TXNRD1: variants seen among roughly 807,000 people sequenced by gnomAD.
TXNRD1 encodes thioredoxin reductase 1.
In TXNRD1, 57 loss-of-function variants were observed where a neutral mutation model predicts 80.3. That is an observed-to-expected ratio of 0.71 (90% confidence interval 0.57 to 0.89). The LOEUF (loss-of-function observed/expected upper bound fraction) is 0.89. TXNRD1 is among the 40% of genes least tolerant of loss of function. The pLI is 0.00. For missense variants in TXNRD1, 730 were observed against 803.0 expected, an observed-to-expected ratio of 0.91 and a Z score of 1.10; for synonymous variants, 291 against 285.2, an observed-to-expected ratio of 1.02 and a Z score of -0.20.
chr12:104,323,512 C>T (rs1199018107), intron 10 of TXNRD1, among the ~76,000 whole-genome samples: 4 of 145,832 alleles, frequency 2.7e-5, no homozygotes, highest in African/African-American at 5.2e-5. Context: ...CCGGACGGGG[C>T]GGCTGGCCGG....
intron 3 of TXNRD1, chr12:104,287,198 A>G: frequency 6.3e-7 from 1 of 1,593,370 alleles, no homozygotes; most frequent in Non-Finnish European, 8.6e-7. Context: ...GGACGACAGC[A>G]TTGCGCCTGG....
At chr12:104,278,517 T>G (rs1377025105) in intron 3 of TXNRD1, among the ~76,000 whole-genome samples, 1 of 141,300 alleles carries the variant, frequency 7.1e-6, no homozygotes, top group Non-Finnish European at 1.5e-5. Context: ...TTTTTTTTTT[T>G]TTGAGATGGA....
In TXNRD1 at chr12:104,274,628, G is replaced by A. The variant is rs571190794; in HGVS notation, c.305-14303G>A. On this transcript the variant is annotated intron_variant, in intron 3 of 16. Transcript: ENST00000525566. ...GCAGGAGAATTGCTTGAACCCGGGA[G>A]GCAGAGGTTGCAGTGAGCCAAGATC... is the stretch of plus-strand genomic sequence containing the variant. Among the ~76,000 whole-genome samples the A allele has an allele frequency of 8.6e-5, 13 of 151,790 alleles. No homozygotes were observed. The East Asian group carries it at 2.5e-3, about 29-fold the overall frequency.
intron 1 of TXNRD1, 47 bp downstream of exon 1, chr12:104,215,940 C>T: frequency 6.7e-7 from 1 of 1,486,508 alleles, no homozygotes; most frequent in Non-Finnish European, 9.1e-7. Context: ...CGGGCCGAAG[C>T]GGGCCTTCCG....
At position 104,326,493 on chromosome 12, in the gene TXNRD1, TTCTC is replaced by T. The variant is rs1285502628; in HGVS notation, c.1385+74_1385+77del. 13 of 913,928 alleles carry T rather than the reference TTCTC, an allele frequency of 1.4e-5. No homozygotes were observed. In the Admixed American group the frequency reaches 1.6e-4, roughly 11 times the overall value. The allele number at this position is 913,928 out of a possible 1,614,324, so 56.6% of individuals were successfully genotyped here. A position where few individuals can be genotyped will look rare whatever the true frequency, so the allele number is the denominator to read the frequency against. ...TTTTTTTTTTTTTTTGAGATGGAGT[TTCTC>T]TCTTGTCTCCCAGGCTGGAGTACAA... On this transcript the variant is annotated intron_variant, in intron 12 of 16. Transcript: ENST00000525566.
At position 104,215,837 on chromosome 12, in the gene TXNRD1, C is replaced by T. The variant is rs1243021341; in HGVS notation, c.35C>T (p.Ala12Val). The T allele has an allele frequency of 1.3e-6, 2 of 1,561,222 alleles. No individual in the cohort carries two copies. Among genetic ancestry groups the T allele is most frequent in the East Asian group, 2.4e-5 (1 of 41,592 alleles). Residue 12 changes from alanine to valine, a missense_variant, in exon 1 of 17, where the codon GCC (alanine) becomes GTC (valine). Coordinates refer to ENST00000525566, the MANE Select transcript of TXNRD1 (RefSeq NM_001093771.3). ...GCCGAGGGCAAGGCAGTGGCGGCGGCCGCCCCAACGGAGCTGCAGACGAAA... is the reference window on the plus strand; with the variant it reads ...GCCGAGGGCAAGGCAGTGGCGGCGGTCGCCCCAACGGAGCTGCAGACGAAA... ...GCAEGKAVAA[A>V]APTELQTKGK...
chr12:104,339,248 T>C lies in TXNRD1; in HGVS notation c.1856T>C (p.Ile619Thr), dbSNP rs2036243727. The change falls in exon 16 of 17, where the codon ATT becomes ACT. Residue 619 changes from isoleucine (I) to threonine (T), a missense_variant. By Grantham distance (89) the Ile-to-Thr change is moderately conservative (BLOSUM62 -1). Transcript: ENST00000525566. ...ACCAAAAAGCAGCTGGACAGCACAA[T>C]TGGAATCCACCCTGTCTGTGCAGAG... ...GLTKKQLDST[I>T]GIHPVCAEVF... The C allele has an allele frequency of 8.1e-6, 13 of 1,613,910 alleles. No individual in the cohort carries two copies. Among genetic ancestry groups the C allele is most frequent in the African/African-American group, 1.3e-5 (1 of 75,022 alleles).
intron 2 of TXNRD1, among the ~76,000 whole-genome samples, chr12:104,255,083 G>A (rs1374830375): frequency 1.3e-5 from 2 of 151,980 alleles, no homozygotes; most frequent in Non-Finnish European, 2.9e-5. Context: ...TACAGCCTGG[G>A]TGACAGAGCA....
At chr12:104,306,164 G>A (rs566173311) in intron 4 of TXNRD1, among the ~76,000 whole-genome samples, 7 of 152,202 alleles carry the variant, frequency 4.6e-5, no homozygotes, top group East Asian at 1.9e-4. Context: ...TCGGCCTCCG[G>A]AAATGCTGGG....
chr12:104,247,640 TTTTG>T (rs201417184), intron 1 of TXNRD1, among the ~76,000 whole-genome samples: 5 of 152,346 alleles, frequency 3.3e-5, no homozygotes, highest in Non-Finnish European at 5.9e-5. Flanking sequence ...TTGTACATTT[TTTTG>T]TTTGTTTGTT....
chr12:104,292,477 C>G (rs1281897268), intron 4 of TXNRD1, among the ~76,000 whole-genome samples: 3 of 151,766 alleles, frequency 2.0e-5, no homozygotes, highest in Non-Finnish European at 4.4e-5. Flanking sequence ...CAACCTCCAC[C>G]TCCTGGGTTC....
At chr12:104,307,822 G>A (rs189660754) in intron 4 of TXNRD1, among the ~76,000 whole-genome samples, 63 of 152,270 alleles carry the variant, frequency 4.1e-4, no homozygotes, top group African/African-American at 1.5e-3. Flanking sequence ...TACTATGACA[G>A]GCAGGTGGAT....
At chr12:104,326,930 T>G (rs4447242) in intron 12 of TXNRD1, among the ~76,000 whole-genome samples, 137,869 of 152,080 alleles carry the variant, frequency 0.91, 62,753 homozygotes, top group African/African-American at 0.98. Context: ...CTGCTTCCTG[T>G]GTTCAAGTGA....
intron 3 of TXNRD1, among the ~76,000 whole-genome samples, chr12:104,285,494 G>A (rs530007541): frequency 6.6e-5 from 10 of 152,268 alleles, no homozygotes; most frequent in Admixed American, 2.6e-4. Context: ...TTGGAATGCC[G>A]TTAGAAAATA....
intron 15 of TXNRD1, among the ~76,000 whole-genome samples, chr12:104,337,354 A>G (rs1206955064): frequency 6.6e-6 from 1 of 152,006 alleles, no homozygotes; most frequent in South Asian, 2.1e-4. Context: ...TGCACCCCAC[A>G]GCCTGAGTTG....
chr12:104,218,320 G>A (rs537647605), intron 1 of TXNRD1, among the ~76,000 whole-genome samples: 9 of 151,864 alleles, frequency 5.9e-5, no homozygotes, highest in Admixed American at 2.6e-4. Context: ...CACCACGCCC[G>A]GCCTGAACTA....
intron 3 of TXNRD1, among the ~76,000 whole-genome samples, chr12:104,281,456 G>A (rs1168515073): frequency 7.1e-6 from 1 of 141,614 alleles, no homozygotes; most frequent in Non-Finnish European, 1.5e-5. Flanking sequence ...GCCCGGGCTG[G>A]AGTGCAGTGG....
intron 1 of TXNRD1, among the ~76,000 whole-genome samples, chr12:104,240,935 G>A (rs978565302): frequency 2.0e-5 from 3 of 151,754 alleles, no homozygotes; most frequent in Non-Finnish European, 4.4e-5. Context: ...TAGAGATGGG[G>A]TTTCACCGTG....
chr12:104,252,295 G>C (rs2033136474), intron 2 of TXNRD1, among the ~76,000 whole-genome samples: 1 of 151,944 alleles, frequency 6.6e-6, no homozygotes, highest in Admixed American at 6.6e-5. Context: ...CATAAGGAAT[G>C]GTTACTTAGG....
Sources: allele counts gnomAD v4.1 joint callset (sites outside exome capture counted in the v4.1 genomes callset), GRCh38; gene constraint gnomAD v4.1.1; transcripts MANE v1.5; gene names NCBI Gene and HGNC (gene_info 2026-07-23, HGNC 2026-07-21).